The following GRIA1 variants were observed in gnomAD, a reference collection of about 807,000 sequenced individuals.
The protein encoded by GRIA1 is glutamate ionotropic receptor AMPA type subunit 1.
Under a neutral mutation model 99.2 loss-of-function variants are expected in GRIA1, and 31 were observed. That is an observed-to-expected ratio of 0.31 (90% CI 0.23 to 0.42). GRIA1 has a LOEUF of 0.42. Ranked by LOEUF, GRIA1 falls within the 10% of genes least tolerant of loss-of-function variation. The probability of loss-of-function intolerance (pLI) is 1.00; values close to 1 mark genes in which losing one functional copy is unlikely to be tolerated. For synonymous variants in GRIA1, 438 were observed against 432.4 expected, an observed-to-expected ratio of 1.01 and a Z score of -0.16; for missense variants, 782 against 1,157.5, an observed-to-expected ratio of 0.68 and a Z score of 4.71.
intron 11 of GRIA1, among the ~76,000 whole-genome samples, chr5:153,754,580 G>A (rs1031653203): frequency 1.3e-5 from 2 of 152,184 alleles, no homozygotes; most frequent in Non-Finnish European, 2.9e-5. Flanking sequence ...CTGAACTTGG[G>A]ATAGCTTCGC....
intron 2 of GRIA1, among the ~76,000 whole-genome samples, chr5:153,523,106 T>C (rs1427559467): frequency 6.6e-6 from 1 of 151,534 alleles, no homozygotes; most frequent in Non-Finnish European, 1.5e-5. Flanking sequence ...TATCATGTCA[T>C]CTCTCTTGTT....
At chr5:153,624,675 A>G (rs868070865) in intron 2 of GRIA1, among the ~76,000 whole-genome samples, 3 of 152,216 alleles carry the variant, frequency 2.0e-5, no homozygotes, top group Non-Finnish European at 2.9e-5. Flanking sequence ...GGGGGGAAAA[A>G]AATTGATAGT....
chr5:153,670,860 T>C (rs548078608), intron 5 of GRIA1, among the ~76,000 whole-genome samples: 1 of 152,308 alleles, frequency 6.6e-6, no homozygotes, highest in Admixed American at 6.5e-5. Context: ...TCTTGAATTA[T>C]GGAGAAATTT....
chr5:153,593,760 G>T (rs1343360720), intron 2 of GRIA1, among the ~76,000 whole-genome samples: 3 of 152,116 alleles, frequency 2.0e-5, no homozygotes, highest in Non-Finnish European at 4.4e-5. Context: ...TGACCTGGTT[G>T]CTGCTGTGAC....
chr5:153,799,081 AC>A (rs35942304), intron 14 of GRIA1, among the ~76,000 whole-genome samples: 55,493 of 149,924 alleles, frequency 0.37, 10,661 homozygotes, highest in African/African-American at 0.45. Flanking sequence ...TGACTTTTCC[AC>A]CCCCCCCTGA....
chr5:153,682,044 A>T (rs1366688422), intron 7 of GRIA1, among the ~76,000 whole-genome samples: 1 of 152,046 alleles, frequency 6.6e-6, no homozygotes, highest in Non-Finnish European at 1.5e-5. Flanking sequence ...GTCAAAAAAA[A>T]AAAAAAGCAT....
At chr5:153,752,896 G>A (rs1361303363) in intron 11 of GRIA1, among the ~76,000 whole-genome samples, 1 of 152,184 alleles carries the variant, frequency 6.6e-6, no homozygotes, top group East Asian at 1.9e-4. Context: ...TAAGCAAGAA[G>A]TCATCTCCAG....
At chr5:153,545,877 A>G (rs748037799) in intron 2 of GRIA1, among the ~76,000 whole-genome samples, 10 of 152,258 alleles carry the variant, frequency 6.6e-5, no homozygotes, top group Non-Finnish European at 1.3e-4. Flanking sequence ...TGGCCCACAC[A>G]CCATAGTCGG....
intron 5 of GRIA1, among the ~76,000 whole-genome samples, chr5:153,657,059 A>G (rs1755011756): frequency 6.6e-6 from 1 of 152,234 alleles, no homozygotes; most frequent in Non-Finnish European, 1.5e-5. Context: ...ATTGCCAAAC[A>G]ATATTTCATT....
chr5:153,808,530 GGT>G (rs1378941376), intron 15 of GRIA1, among the ~76,000 whole-genome samples: 1 of 152,122 alleles, frequency 6.6e-6, no homozygotes, highest in Non-Finnish European at 1.5e-5. Context: ...TAGATCATGT[GGT>G]TCAACTTTGC....
intron 2 of GRIA1, among the ~76,000 whole-genome samples, chr5:153,546,719 C>T (rs1759648841): frequency 6.6e-6 from 1 of 152,198 alleles, no homozygotes; most frequent in Non-Finnish European, 1.5e-5. Context: ...ACAGCTGACA[C>T]TCCTAACCAA....
chr5:153,518,985 C>T (rs956513811), intron 2 of GRIA1, among the ~76,000 whole-genome samples: 1 of 152,170 alleles, frequency 6.6e-6, no homozygotes, highest in Non-Finnish European at 1.5e-5. Flanking sequence ...CAGTTCAAGG[C>T]CAGGCACGGT....
intron 2 of GRIA1, among the ~76,000 whole-genome samples, chr5:153,523,576 C>T (rs1487518826): frequency 6.6e-6 from 1 of 152,026 alleles, no homozygotes; most frequent in African/African-American, 2.4e-5. Flanking sequence ...CAGCATCAGA[C>T]TCATATTGAT....
At chr5:153,726,388 A>C (rs1209208277) in intron 11 of GRIA1, among the ~76,000 whole-genome samples, 1 of 148,494 alleles carries the variant, frequency 6.7e-6, no homozygotes, top group South Asian at 2.3e-4. Flanking sequence ...AATAACTAAA[A>C]TCAGAGCAGA....
chr5:153,702,354 G>C (rs1472225983), intron 10 of GRIA1, among the ~76,000 whole-genome samples: 1 of 152,210 alleles, frequency 6.6e-6, no homozygotes, highest in Non-Finnish European at 1.5e-5. Flanking sequence ...ACCTGGATTT[G>C]AGTTCCAACT....
chr5:153,628,796 C>T (rs1350065940), intron 2 of GRIA1, among the ~76,000 whole-genome samples: 1 of 152,006 alleles, frequency 6.6e-6, no homozygotes, highest in Admixed American at 6.5e-5. Context: ...ATTTCCTCTT[C>T]CTGTTCTAAA....
At chr5:153,540,886 C>A (rs893148013) in intron 2 of GRIA1, among the ~76,000 whole-genome samples, 12 of 152,032 alleles carry the variant, frequency 7.9e-5, no homozygotes, top group African/African-American at 2.9e-4. Context: ...CAACAAAAGG[C>A]TTGAGTAGCT....
intron 2 of GRIA1, among the ~76,000 whole-genome samples, chr5:153,511,166 G>A (rs1345422133): frequency 6.6e-6 from 1 of 152,170 alleles, no homozygotes; most frequent in African/African-American, 2.4e-5. Flanking sequence ...CAACCAAGGA[G>A]TATTTTAAAA....
chr5:153,538,992 C>T (rs1019193451), intron 2 of GRIA1, among the ~76,000 whole-genome samples: 3 of 152,156 alleles, frequency 2.0e-5, no homozygotes, highest in South Asian at 2.1e-4. Flanking sequence ...CTGTCAATAT[C>T]TTCCTTGGAA....
Sources: allele counts gnomAD v4.1 joint callset (sites outside exome capture counted in the v4.1 genomes callset), GRCh38; gene constraint gnomAD v4.1.1; transcripts MANE v1.5; gene names NCBI Gene and HGNC (gene_info 2026-07-23, HGNC 2026-07-21).